Variants in ZNF793 observed in about 807,000 individuals in gnomAD.
The protein encoded by ZNF793 is zinc finger protein 793.
In ZNF793, 5 loss-of-function variants were observed where a neutral mutation model predicts 12.4. The ratio of observed to expected loss-of-function variants is 0.40; its 90% CI spans 0.21 to 0.84. The LOEUF (loss-of-function observed/expected upper bound fraction) is 0.84. Among genes scored for constraint, ZNF793 ranks in the 40% least tolerant of loss-of-function variants. The pLI, the probability that ZNF793 is intolerant of heterozygous loss-of-function variation, is 0.35. For missense variants in ZNF793, 456 were observed against 495.0 expected (o/e 0.92, Z 0.75); for synonymous variants, 162 against 172.4 (o/e 0.94, Z 0.47).
chr19:37,530,320 C>G (rs1174068770), intron 5 of ZNF793, among the ~76,000 whole-genome samples: 3 of 152,176 alleles, frequency 2.0e-5, no homozygotes, highest in Non-Finnish European at 4.4e-5. Flanking sequence ...ATTCCTTCCT[C>G]TTATACTAAT....
Position 37,542,439 on chromosome 19 carries a change from T to G in ZNF793, c.*4560T>G, listed in dbSNP as rs1052292410. ...TCTGTTAATATTATTAAAATATTTA[T>G]GTCACTTTGGAGAATCTTCCCTTAG... On this transcript the variant is annotated 3_prime_UTR_variant, in exon 8 of 8. Coordinates refer to ENST00000627814, the MANE Select transcript of ZNF793 (RefSeq NM_001013659.3). The G allele has an allele frequency of 7.3e-6, 3 of 409,694 alleles. No individual in the cohort carries two copies. Among genetic ancestry groups the G allele is most frequent in the Non-Finnish European group, 1.5e-5 (3 of 205,652 alleles). 25.4% of individuals were successfully genotyped at this position (409,694 alleles called of 1,614,324 possible).
chr19:37,521,266 C>T (rs865996514), intron 3 of ZNF793, among the ~76,000 whole-genome samples: 10 of 151,908 alleles, frequency 6.6e-5, no homozygotes, highest in Admixed American at 4.6e-4. Context: ...GGATTACAGG[C>T]GTGAGCCACT....
chr19:37,507,570 G>A (rs1460273148), intron 1 of ZNF793, among the ~76,000 whole-genome samples: 3 of 152,190 alleles, frequency 2.0e-5, no homozygotes, highest in Admixed American at 6.5e-5. Context: ...ATCGGTGGAG[G>A]ATCGGAGAGT....
At position 37,538,042 on chromosome 19, in the gene ZNF793, G is replaced by A. The variant is rs1878422269; in HGVS notation, c.*163G>A. The stretch of plus-strand genomic sequence containing the variant: ...TTCTCCTGCCTCAGCCTCCCGAGTA[G>A]CTGGGACTACAGGTGCCCACCACCA... On this transcript the variant is annotated 3_prime_UTR_variant, in exon 8 of 8. Transcript: ENST00000627814. 1 of 823,104 alleles carries A rather than the reference G, an allele frequency of 1.2e-6. No individual in the cohort carries two copies. Among genetic ancestry groups the A allele is most frequent in the Non-Finnish European group, 1.8e-6 (1 of 556,700 alleles). The allele number at this position is 823,104 out of a possible 1,614,324, so 51.0% of individuals were successfully genotyped here.
At chr19:37,523,389 C>A in intron 4 of ZNF793, 21 bp from the exon 5 acceptor site, 1 of 1,594,962 alleles carries the variant, frequency 6.3e-7, no homozygotes, top group Non-Finnish European at 8.6e-7. Flanking sequence ...TCTCCATCTT[C>A]TTCCCCCCAC....
chr19:37,538,950 C>G lies in ZNF793; in HGVS notation c.*1071C>G, dbSNP rs1449487291. 1 of 151,998 alleles carries G rather than the reference C, an allele frequency of 6.6e-6. No homozygotes were observed. Among genetic ancestry groups the G allele is most frequent in the Non-Finnish European group, 1.5e-5 (1 of 67,984 alleles). 9.4% of individuals were successfully genotyped at this position (151,998 alleles called of 1,614,324 possible). A position where few individuals can be genotyped will look rare whatever the true frequency, so the allele number is the denominator to read the frequency against. ...ATTGTCTTTTGATGTCTTAACAATA[C>G]AAAAAAATAACAACAACATGGCCCA... On this transcript the variant is annotated 3_prime_UTR_variant, in exon 8 of 8. Transcript: ENST00000627814.
chr19:37,523,939 C>T (rs1212171559), intron 5 of ZNF793, among the ~76,000 whole-genome samples: 1 of 151,984 alleles, frequency 6.6e-6, no homozygotes, highest in Non-Finnish European at 1.5e-5. Context: ...AACCTGAGGT[C>T]AGGAGTTTGA....
At chr19:37,515,650 A>T (rs1292023188) in intron 2 of ZNF793, among the ~76,000 whole-genome samples, 2 of 152,196 alleles carry the variant, frequency 1.3e-5, no homozygotes, top group African/African-American at 4.8e-5. Flanking sequence ...AAGGATGAAA[A>T]TATGCCATTT....
intron 7 of ZNF793, chr19:37,534,597 A>C (rs1181001067): frequency 6.6e-6 from 1 of 151,616 alleles, no homozygotes; most frequent in African/African-American, 2.4e-5. Flanking sequence ...TTCTGCCTTT[A>C]CCACTCACTC....
rs1422157925 is a variant in ZNF793, at chr19:37,537,706, C to A, written c.1048C>A (p.Gln350Lys). The change falls in exon 8 of 8, where the codon CAG becomes AAG. Residue 350 changes from glutamine to lysine, a missense_variant. Coordinates refer to ENST00000627814, the MANE Select transcript of ZNF793 (RefSeq NM_001013659.3). The part of the protein sequence containing the change: ...RCRECGKSFS[Q>K]KSCLNKHWRT... ...CAGAGAATGTGGAAAATCCTTCAGC[C>A]AGAAGTCATGCCTCAATAAACATTG... is the stretch of plus-strand genomic sequence containing the variant. 8 of 1,613,544 alleles carry A rather than the reference C, an allele frequency of 5.0e-6. No homozygotes were observed. The highest frequency in any genetic ancestry group is 1.7e-5 in the Admixed American group (1 of 59,976).
At chr19:37,527,889 C>G (rs1463078160) in intron 5 of ZNF793, among the ~76,000 whole-genome samples, 1 of 151,834 alleles carries the variant, frequency 6.6e-6, no homozygotes, top group Non-Finnish European at 1.5e-5. Flanking sequence ...GAGGCCAAGG[C>G]AGGCGGATCG....
chr19:37,536,824 A>G, intron 7 of ZNF793, 73 bp from the exon 8 acceptor site: 1 of 1,474,928 alleles, frequency 6.8e-7, no homozygotes, highest in Non-Finnish European at 9.1e-7. Flanking sequence ...TGTGCTGTGC[A>G]CTCTTTAAAT....
intron 3 of ZNF793, among the ~76,000 whole-genome samples, chr19:37,520,729 C>G (rs572340251): frequency 6.6e-6 from 1 of 152,050 alleles, no homozygotes; most frequent in East Asian, 1.9e-4. Flanking sequence ...TTTATTCTTG[C>G]TGGACCTCTC....
At chr19:37,520,646 CAGG>C (rs1258551101) in intron 3 of ZNF793, among the ~76,000 whole-genome samples, 3 of 152,138 alleles carry the variant, frequency 2.0e-5, no homozygotes, top group Admixed American at 6.5e-5. Context: ...CATGTTCTTT[CAGG>C]AGAAGGGGGC....
chr19:37,512,612 ACTTT>A (rs1179472638), intron 2 of ZNF793, among the ~76,000 whole-genome samples: 1 of 152,072 alleles, frequency 6.6e-6, no homozygotes, highest in Non-Finnish European at 1.5e-5. Flanking sequence ...GTGTGTAGAG[ACTTT>A]CTTTTTCTGT....
chr19:37,537,611 A>G lies in ZNF793; in HGVS notation c.953A>G (p.Lys318Arg). Residue 318 changes from lysine (K) to arginine (R), a missense_variant, in exon 8 of 8, where the codon AAA becomes AGA. Transcript: ENST00000627814. Reference protein sequence around the residue: ...ERPFVCSECGKSFGEKSYLNV... With the variant: ...ERPFVCSECGRSFGEKSYLNV... Reference sequence around the variant, plus strand: ...CCCTTTGTCTGCAGTGAATGCGGGAAATCGTTTGGTGAGAAGTCATACCTC... The same window carrying G: ...CCCTTTGTCTGCAGTGAATGCGGGAGATCGTTTGGTGAGAAGTCATACCTC... 1 of 1,614,172 alleles carries G rather than the reference A, an allele frequency of 6.2e-7. No homozygotes were observed.
At chr19:37,507,799 G>A (rs903815197) in intron 1 of ZNF793, among the ~76,000 whole-genome samples, 1 of 152,138 alleles carries the variant, frequency 6.6e-6, no homozygotes, top group South Asian at 2.1e-4. Context: ...CAATCAGATC[G>A]GATCGGTGTT....
At chr19:37,532,556 A>G in intron 6 of ZNF793, 74 bp downstream of exon 6, 2 of 1,483,428 alleles carry the variant, frequency 1.3e-6, no homozygotes, top group Non-Finnish European at 1.8e-6. Flanking sequence ...GCTAAAAGCA[A>G]CTGGAGTACT....
chr19:37,517,283 CTG>C (rs761131751), intron 2 of ZNF793, among the ~76,000 whole-genome samples: 27 of 152,154 alleles, frequency 1.8e-4, no homozygotes, highest in Non-Finnish European at 2.6e-4. Flanking sequence ...ATATTTTAGT[CTG>C]TATCTACAGC....
Sources: gnomAD v4.1 joint callset for allele counts (sites outside exome capture counted in the v4.1 genomes callset) on GRCh38, gnomAD v4.1.1 for gene constraint, MANE v1.5 for transcripts, NCBI Gene and HGNC (gene_info 2026-07-23, HGNC 2026-07-21) for gene names.